PDZRN4: variants seen among roughly 807,000 people sequenced by gnomAD.
The protein encoded by PDZRN4 is PDZ domain containing ring finger 4.
In PDZRN4, 70 loss-of-function variants were observed where a neutral mutation model predicts 99.0. The observed-to-expected ratio is 0.71, with a 90% CI of 0.58 to 0.86. PDZRN4 has a LOEUF of 0.86. PDZRN4 is among the 40% of genes least tolerant of loss of function. The pLI, the probability that PDZRN4 is intolerant of heterozygous loss-of-function variation, is 0.00. For missense variants in PDZRN4, 1,474 were observed against 1,331.2 expected (o/e 1.11, Z -1.67); for synonymous variants, 551 against 501.6 (o/e 1.10, Z -1.32).
chr12:41,326,693 A>G (rs975650932), intron 3 of PDZRN4, among the ~76,000 whole-genome samples: 1 of 152,176 alleles, frequency 6.6e-6, no homozygotes, highest in Non-Finnish European at 1.5e-5. Context: ...TCGACCCAGT[A>G]TATTTTCCTC....
At position 41,469,619 on chromosome 12, in the gene PDZRN4, C is replaced by T. The variant is rs562732076; in HGVS notation, c.844-36837C>T. Among the ~76,000 whole-genome samples, 5 of 152,144 alleles carry T rather than the reference C, an allele frequency of 3.3e-5. No homozygotes were observed. In the East Asian group the frequency reaches 9.7e-4, roughly 29 times the overall value. The stretch of plus-strand genomic sequence containing the variant: ...TAGTGTGTCTGTTAATTCTGCATGC[C>T]ATAGACTGGAAACCCCAATGAAATG... On this transcript the variant is annotated intron_variant, in intron 3 of 9. Transcript: ENST00000402685.
chr12:41,413,747 T>C (rs1952418399), intron 3 of PDZRN4, among the ~76,000 whole-genome samples: 1 of 152,156 alleles, frequency 6.6e-6, no homozygotes, highest in Admixed American at 6.6e-5. Context: ...CAGATAGCTA[T>C]GTCTTGTTTT....
chr12:41,538,663 A>C (rs965945524), intron 5 of PDZRN4, among the ~76,000 whole-genome samples: 1 of 152,182 alleles, frequency 6.6e-6, no homozygotes, highest in Non-Finnish European at 1.5e-5. Context: ...TTGGGCAAAA[A>C]AATTAAACAT....
chr12:41,337,467 A>G (rs1333727232), intron 3 of PDZRN4, among the ~76,000 whole-genome samples: 2 of 151,908 alleles, frequency 1.3e-5, no homozygotes, highest in Non-Finnish European at 2.9e-5. Flanking sequence ...ACCAGATGCG[A>G]AGAGGATGGG....
chr12:41,244,513 G>A (rs1951120764), intron 3 of PDZRN4, among the ~76,000 whole-genome samples: 1 of 151,866 alleles, frequency 6.6e-6, no homozygotes, highest in Admixed American at 6.6e-5. Flanking sequence ...CTGCATCTCT[G>A]ACCCTACCTT....
chr12:41,527,803 G>A (rs1333066697), intron 5 of PDZRN4, among the ~76,000 whole-genome samples: 1 of 152,132 alleles, frequency 6.6e-6, no homozygotes, highest in East Asian at 1.9e-4. Context: ...TATTTGTAAC[G>A]GCACAGCTGC....
At chr12:41,343,794 C>A (rs2405910) in intron 3 of PDZRN4, among the ~76,000 whole-genome samples, 2 of 151,436 alleles carry the variant, frequency 1.3e-5, no homozygotes, top group South Asian at 2.1e-4. Context: ...GTTAAGTACC[C>A]TGATTTGATC....
chr12:41,295,301 A>G (rs1459451493), intron 3 of PDZRN4, among the ~76,000 whole-genome samples: 1 of 152,226 alleles, frequency 6.6e-6, no homozygotes, highest in Non-Finnish European at 1.5e-5. Flanking sequence ...ATTGAGGTCA[A>G]TTACAAAGAG....
At chr12:41,322,790 C>T (rs749125430) in intron 3 of PDZRN4, among the ~76,000 whole-genome samples, 34 of 152,090 alleles carry the variant, frequency 2.2e-4, no homozygotes, top group Non-Finnish European at 4.3e-4. Context: ...GCCACCGCGC[C>T]GGGCAAAATT....
At chr12:41,241,609 A>T (rs1951102465) in intron 3 of PDZRN4, among the ~76,000 whole-genome samples, 1 of 152,226 alleles carries the variant, frequency 6.6e-6, no homozygotes, top group African/African-American at 2.4e-5. Context: ...TGTTGTGAGA[A>T]TTAAATAATA....
At chr12:41,464,182 A>G (rs1319798803) in intron 3 of PDZRN4, among the ~76,000 whole-genome samples, 2 of 152,202 alleles carry the variant, frequency 1.3e-5, no homozygotes, top group Non-Finnish European at 2.9e-5. Flanking sequence ...CTAGTCCTGA[A>G]CGAACACAGG....
rs182526010 is a variant in PDZRN4 at position 41,480,144 on chromosome 12, C to T, written c.844-26312C>T. 3.5e-4 allele frequency among the ~76,000 whole-genome samples: 54 copies of T among 152,118 alleles called. No homozygotes were observed. In the South Asian group the frequency reaches 9.6e-3, roughly 27 times the overall value. On this transcript the variant is annotated intron_variant, in intron 3 of 9. Coordinates refer to ENST00000402685, the MANE Select transcript of PDZRN4 (RefSeq NM_001164595.2). The stretch of plus-strand genomic sequence containing the variant: ...TATTAGCAATTTCTTCTCTCATGCA[C>T]GATAATCATCTTCTTTCACCTGCCA...
In PDZRN4 at chr12:41,573,362, T is replaced by C; in HGVS notation, c.2583T>C (p.Ser861=). ...QSYMQLIQQK[S]AVEYAQSQLS... ...ACATGCAGTTAATTCAACAGAAATC[T>C]GCAGTCGAGTATGCTCAGAGTCAGC... Residue 861 remains serine (S), a synonymous_variant, in exon 10 of 10, where the codon TCT becomes TCC. Transcript: ENST00000402685. The C allele has an allele frequency of 6.2e-7, 1 of 1,613,380 alleles. No individual in the cohort carries two copies. Among genetic ancestry groups the C allele is most frequent in the East Asian group, 2.2e-5 (1 of 44,872 alleles).
intron 7 of PDZRN4, among the ~76,000 whole-genome samples, chr12:41,557,567 G>A (rs1053558641): frequency 1.3e-5 from 2 of 152,132 alleles, no homozygotes; most frequent in South Asian, 2.1e-4. Context: ...TGCGTGGCCT[G>A]GGCACATGTC....
In PDZRN4 at chr12:41,572,871, G is replaced by A. The variant is rs183852687; in HGVS notation, c.2092G>A (p.Asp698Asn). ...CCAGAAAGTGACAGACCAGTATGGA[G>A]ACATCTGGACATTGCATGATGGAGG... The part of the protein sequence containing the change: ...RLQKVTDQYG[D>N]IWTLHDGGFR... Residue 698 changes from aspartate to asparagine, a missense_variant, in exon 10 of 10, where the codon GAC becomes AAC. Coordinates refer to ENST00000402685, the MANE Select transcript of PDZRN4 (RefSeq NM_001164595.2). 120 of 1,614,096 alleles carry A rather than the reference G, an allele frequency of 7.4e-5. 1 individual carries two copies. The East Asian group carries it at 2.2e-3, about 30-fold the overall frequency.
chr12:41,372,076 A>T (rs1314766151), intron 3 of PDZRN4, among the ~76,000 whole-genome samples: 3 of 152,086 alleles, frequency 2.0e-5, no homozygotes, highest in Non-Finnish European at 4.4e-5. Flanking sequence ...ATAGTCTTTT[A>T]AAAAATTTTG....
At chr12:41,405,110 C>T (rs369034076) in intron 3 of PDZRN4, among the ~76,000 whole-genome samples, 1 of 151,978 alleles carries the variant, frequency 6.6e-6, no homozygotes, top group African/African-American at 2.4e-5. Context: ...TAAGAATTGA[C>T]AAGTGGGACC....
intron 3 of PDZRN4, among the ~76,000 whole-genome samples, chr12:41,472,090 A>G (rs2253528): frequency 0.55 from 82,817 of 150,902 alleles, 23,829 homozygotes; most frequent in African/African-American, 0.74. Context: ...CAACCTCCAC[A>G]CCTCCCAGGT....
At position 41,375,502 on chromosome 12, in the gene PDZRN4, G is replaced by A. The variant is rs369650768; in HGVS notation, c.844-130954G>A. Among the ~76,000 whole-genome samples the A allele has an allele frequency of 5.3e-4, 81 of 152,178 alleles. No homozygotes were observed. The South Asian group carries it at 0.011, about 21-fold the overall frequency. ...TGCATGTACTAACTCATTGAATATA[G>A]CAATCCTATAAGCTAGGTATTATTA... On this transcript the variant is annotated intron_variant, in intron 3 of 9. Coordinates refer to ENST00000402685, the MANE Select transcript of PDZRN4 (RefSeq NM_001164595.2).
Sources: gnomAD v4.1 joint callset for allele counts (sites outside exome capture counted in the v4.1 genomes callset) on GRCh38, gnomAD v4.1.1 for gene constraint, MANE v1.5 for transcripts, NCBI Gene and HGNC (gene_info 2026-07-23, HGNC 2026-07-21) for gene names.